Variants in MAP3K10 observed in about 807,000 individuals in gnomAD.
MAP3K10 encodes the protein mitogen-activated protein kinase kinase kinase 10.
Under a neutral mutation model 75.0 loss-of-function variants are expected in MAP3K10, and 22 were observed. The observed-to-expected ratio is 0.29, with a 90% confidence interval of 0.21 to 0.42. The LOEUF is 0.42. MAP3K10 is among the 10% of genes least tolerant of loss of function. The probability of loss-of-function intolerance (pLI) is 1.00; values close to 1 mark genes in which losing one functional copy is unlikely to be tolerated. For missense variants in MAP3K10, 1,165 were observed against 1,379.8 expected, an observed-to-expected ratio of 0.84 and a Z score of 2.47; for synonymous variants, 599 against 612.9, an observed-to-expected ratio of 0.98 and a Z score of 0.34.
At chr19:40,200,125 C>T (rs1411958945) in intron 2 of MAP3K10, among the ~76,000 whole-genome samples, 1 of 152,122 alleles carries the variant, frequency 6.6e-6, no homozygotes, top group Non-Finnish European at 1.5e-5. Flanking sequence ...ATGGTGAAAC[C>T]CCATCTCTAC....
In MAP3K10 at chr19:40,213,195, GC is replaced by G; in HGVS notation, c.1837+9del. The G allele has an allele frequency of 6.4e-7, 1 of 1,563,692 alleles. No homozygotes were observed. Among genetic ancestry groups the G allele is most frequent in the Non-Finnish European group, 8.7e-7 (1 of 1,154,276 alleles). ...GCCAGCCTCAATGAGATGGGTAAGA[GC>G]CTGGGTTCTTGTAAGGGGGTGGGGG... On this transcript the variant is annotated splice_region_variant and intron_variant, in intron 8 of 9. Transcript: ENST00000253055. The surrounding 1 kb of genome is among the most constrained non-coding windows in gnomAD (Gnocchi z 5.7).
At position 40,214,031 on chromosome 19, in the gene MAP3K10, A is replaced by ACCCCCCC; in HGVS notation, c.2355_2356insCCCCCCC (p.Thr786ProfsTer68). 8.1e-7 allele frequency: 1 copy of ACCCCCCC among 1,227,544 alleles called. No homozygotes were observed. 76.0% of individuals were successfully genotyped at this position (1,227,544 alleles called of 1,614,324 possible). ...CACCACCCTCCCCGCCCGCGCCCAC[A>ACCCCCCC]CCCACGCCCTCGCCCAGCACCAACC... On this transcript the variant is annotated frameshift_variant, in exon 9 of 10. Coordinates refer to ENST00000253055, the MANE Select transcript of MAP3K10 (RefSeq NM_002446.4). LOFTEE classifies it high-confidence loss of function.
At chr19:40,193,080 C>T (rs78907630) in intron 1 of MAP3K10, among the ~76,000 whole-genome samples, 1 of 152,168 alleles carries the variant, frequency 6.6e-6, no homozygotes, top group African/African-American at 2.4e-5. Context: ...GAGCCTACCC[C>T]GTCTGGAGTC....
At position 40,213,095 on chromosome 19, in the gene MAP3K10, G is replaced by A; in HGVS notation, c.1744G>A (p.Gly582Arg). The A allele has an allele frequency of 6.2e-7, 1 of 1,606,876 alleles. No homozygotes were observed. Among genetic ancestry groups the A allele is most frequent in the Non-Finnish European group, 8.5e-7 (1 of 1,177,370 alleles). Residue 582 changes from glycine to arginine, a missense_variant, in exon 8 of 10, where the codon GGA (glycine) becomes AGA (arginine). Gly to Arg is a moderately radical substitution (Grantham distance 125). Around this residue, in one of 2 missense-constraint regions of MAP3K10, gnomAD observed 590 missense variants for 586.6 expected, o/e 1.01. Transcript: ENST00000253055. This position sits in a 1 kb window ranked among gnomAD's most constrained non-coding sequence, Gnocchi z 5.7. ...CCGCAGGCTGAAGGGGCTGGGGGAA[G>A]GAAGCAAACAGTGGTCATCAAGTGC... is the stretch of plus-strand genomic sequence containing the variant. Reference protein sequence around the residue: ...GEERLKGLGEGSKQWSSSAPN... With the variant: ...GEERLKGLGERSKQWSSSAPN...
Position 40,212,389 on chromosome 19 carries a change from A to T in MAP3K10, c.1553-416A>T, listed in dbSNP as rs568849723. ...GGTCAGTCCTGCAGGGGACACAGAG[A>T]CAAATACCCATACCATGGCAGCAAA... On this transcript the variant is annotated intron_variant, in intron 6 of 9. Coordinates refer to ENST00000253055, the MANE Select transcript of MAP3K10 (RefSeq NM_002446.4). This position sits in a 1 kb window ranked among gnomAD's most constrained non-coding sequence, Gnocchi z 4.2. Among the ~76,000 whole-genome samples the T allele has an allele frequency of 3.3e-5, 5 of 152,280 alleles. No homozygotes were observed. The highest frequency in any genetic ancestry group is 1.2e-4 in the African/African-American group (5 of 41,568).
At position 40,198,580 on chromosome 19, in the gene MAP3K10, G is replaced by C. The variant is rs372367414; in HGVS notation, c.863+25G>C. 1 of 1,586,644 alleles carries C rather than the reference G, an allele frequency of 6.3e-7. No individual in the cohort carries two copies. Among genetic ancestry groups the C allele is most frequent in the Non-Finnish European group, 8.6e-7 (1 of 1,161,772 alleles). On this transcript the variant is annotated intron_variant, in intron 2 of 9. Coordinates refer to ENST00000253055, the MANE Select transcript of MAP3K10 (RefSeq NM_002446.4). This position sits in a 1 kb window ranked among gnomAD's most constrained non-coding sequence, Gnocchi z 4.3. ...GGTGCTGAAAGGCGCGGCCGGGATG[G>C]CCTCTGGGGAGTAAGGGAGGGAGGA...
chr19:40,213,209 A>G lies in MAP3K10; in HGVS notation c.1837+21A>G. ...GATGGGTAAGAGCCTGGGTTCTTGT[A>G]AGGGGGTGGGGGTTCCCTGGCCAAA... On this transcript the variant is annotated intron_variant, in intron 8 of 9. Coordinates refer to ENST00000253055, the MANE Select transcript of MAP3K10 (RefSeq NM_002446.4). The surrounding 1 kb of genome is among the most constrained non-coding windows in gnomAD (Gnocchi z 5.7). The G allele has an allele frequency of 6.5e-7, 1 of 1,546,268 alleles. No homozygotes were observed. Among genetic ancestry groups the G allele is most frequent in the Non-Finnish European group, 8.7e-7 (1 of 1,144,150 alleles).
intron 2 of MAP3K10, among the ~76,000 whole-genome samples, chr19:40,201,042 A>G (rs1973008821): frequency 1.3e-5 from 2 of 152,130 alleles, no homozygotes; most frequent in Admixed American, 1.3e-4. Context: ...TAGGTTTCCA[A>G]GGACATGGGA....
rs148182728 is a variant in MAP3K10, at chr19:40,203,299, A to T, written c.864-1186A>T. 2.3e-3 allele frequency among the ~76,000 whole-genome samples: 353 copies of T among 152,104 alleles called. 3 individuals carry two copies. Among genetic ancestry groups the T allele is most frequent in the African/African-American group, 7.7e-3 (321 of 41,454 alleles). ...GGTTGCAGGGAGCCGAGATCATGCC[A>T]CTGCACTCCAGCCTGGGTGACAGAG... On this transcript the variant is annotated intron_variant, in intron 2 of 9. Transcript: ENST00000253055.
At position 40,192,110 on chromosome 19, in the gene MAP3K10, T is replaced by G; in HGVS notation, c.79T>G (p.Tyr27Asp). 6.4e-7 allele frequency: 1 copy of G among 1,563,896 alleles called. No individual in the cohort carries two copies. The highest frequency in any genetic ancestry group is 1.2e-5 in the South Asian group (1 of 83,138). ...GCCCGTCTGGACCGCGGTGTTCGAC[T>G]ACGAGGCGGCGGGCGACGAGGAGCT... ...AGPVWTAVFD[Y>D]EAAGDEELTL... is the part of the protein sequence containing the mutation. The change falls in exon 1 of 10, where the codon TAC becomes GAC. Residue 27 changes from tyrosine (Y) to aspartate (D), a missense_variant. Physicochemically the swap from Tyr to Asp is radical, Grantham distance 160 (BLOSUM62 -3). This residue lies in a region of MAP3K10 where 575 missense variants were observed against 793.2 expected (regional missense o/e 0.72). Transcript: ENST00000253055. This position sits in a 1 kb window ranked among gnomAD's most constrained non-coding sequence, Gnocchi z 7.1.
At chr19:40,194,994 T>A (rs1266472411) in intron 1 of MAP3K10, among the ~76,000 whole-genome samples, 1 of 152,080 alleles carries the variant, frequency 6.6e-6, no homozygotes, top group Non-Finnish European at 1.5e-5. Flanking sequence ...AGCAGAGACC[T>A]GAACAAAGGG....
At chr19:40,196,884 T>C (rs184104571) in intron 1 of MAP3K10, among the ~76,000 whole-genome samples, 60 of 152,212 alleles carry the variant, frequency 3.9e-4, no homozygotes, top group Admixed American at 1.4e-3. Context: ...TCAATTCCTA[T>C]AGAGAGCTTA....
chr19:40,208,003 C>A (rs1599911050), intron 5 of MAP3K10, among the ~76,000 whole-genome samples: 1 of 152,010 alleles, frequency 6.6e-6, no homozygotes, highest in Non-Finnish European at 1.5e-5. Flanking sequence ...GCTGGGATTA[C>A]AGGTGTGAGC....
Sources: allele counts gnomAD v4.1 joint callset (sites outside exome capture counted in the v4.1 genomes callset), GRCh38; gene constraint gnomAD v4.1.1; regional missense constraint gnomAD v4.1.1; non-coding constraint Gnocchi (gnomAD v3.1); transcripts MANE v1.5; gene names NCBI Gene and HGNC (gene_info 2026-07-23, HGNC 2026-07-21).